ANKRD33B: variants seen among roughly 807,000 people sequenced by gnomAD.
ANKRD33B encodes ankyrin repeat domain 33B, also known as ankyrin repeat domain-containing protein 33B.
Under a neutral mutation model 21.5 loss-of-function variants are expected in ANKRD33B, and 6 were observed. The ratio of observed to expected loss-of-function variants is 0.28; its 90% CI spans 0.15 to 0.55. The LOEUF (loss-of-function observed/expected upper bound fraction) is 0.55, where lower values mean the gene tolerates loss of function less well. Among genes scored for constraint, ANKRD33B ranks in the 20% least tolerant of loss-of-function variants. The probability of loss-of-function intolerance (pLI) is 0.94; values close to 1 mark genes in which losing one functional copy is unlikely to be tolerated. For missense variants in ANKRD33B, 698 were observed against 747.2 expected, an observed-to-expected ratio of 0.93 and a Z score of 0.77; for synonymous variants, 347 against 342.4, an observed-to-expected ratio of 1.01 and a Z score of -0.15.
rs1196131381 is a variant in ANKRD33B at position 10,651,014 on chromosome 5, C to T, written c.*901C>T. The T allele has an allele frequency of 6.6e-6, 1 of 152,274 alleles. No individual in the cohort carries two copies. The highest frequency in any genetic ancestry group is 1.9e-4 in the East Asian group (1 of 5,334). 9.4% of individuals were successfully genotyped at this position (152,274 alleles called of 1,614,324 possible). The stretch of plus-strand genomic sequence containing the variant: ...AATACAAAATTAAGCCATATGTGCT[C>T]TTAAGTAATTCGAATCCAGATATCC... On this transcript the variant is annotated 3_prime_UTR_variant, in exon 4 of 4. Coordinates refer to ENST00000296657, the MANE Select transcript of ANKRD33B (RefSeq NM_001164440.2).
At chr5:10,573,709 G>A (rs1246362257) in intron 1 of ANKRD33B, among the ~76,000 whole-genome samples, 2 of 152,178 alleles carry the variant, frequency 1.3e-5, no homozygotes, top group African/African-American at 2.4e-5. Flanking sequence ...GAGAGTGAGA[G>A]TGAGGGGGGA....
At chr5:10,617,254 G>C (rs1430955997) in intron 1 of ANKRD33B, among the ~76,000 whole-genome samples, 1 of 152,128 alleles carries the variant, frequency 6.6e-6, no homozygotes, top group Non-Finnish European at 1.5e-5. Flanking sequence ...ATGACTCCAC[G>C]CTGCTATTCA....
chr5:10,640,022 CGATGTTAGCGGGTGACGTGGA>C (rs1560985549), intron 3 of ANKRD33B, among the ~76,000 whole-genome samples: 23 of 64,424 alleles, frequency 3.6e-4, no homozygotes, highest in Non-Finnish European at 6.3e-4. Flanking sequence ...AGTTGCGCGG[CGATGTTAGCGGGTGACGTGGA>C]GTTGCACGGT....
chr5:10,641,283 C>T (rs996484277), intron 3 of ANKRD33B, among the ~76,000 whole-genome samples: 22 of 135,474 alleles, frequency 1.6e-4, no homozygotes, highest in South Asian at 2.4e-4. Flanking sequence ...GGCTGGAGTG[C>T]GGTGGTGCAA....
intron 1 of ANKRD33B, among the ~76,000 whole-genome samples, chr5:10,606,544 G>A (rs1736048495): frequency 6.6e-6 from 1 of 152,028 alleles, no homozygotes; most frequent in Non-Finnish European, 1.5e-5. Flanking sequence ...GACCATCCTG[G>A]CCAACATGGT....
intron 1 of ANKRD33B, among the ~76,000 whole-genome samples, chr5:10,567,919 C>T (rs1458417200): frequency 1.3e-5 from 2 of 152,166 alleles, no homozygotes; most frequent in Non-Finnish European, 2.9e-5. Flanking sequence ...ACAGATACAG[C>T]CCACAGCCGG....
chr5:10,622,713 C>T (rs1736446489), intron 2 of ANKRD33B, among the ~76,000 whole-genome samples: 1 of 152,024 alleles, frequency 6.6e-6, no homozygotes, highest in Admixed American at 6.5e-5. Flanking sequence ...GATGAAGATG[C>T]TGCCCTGAAA....
chr5:10,619,143 G>A lies in ANKRD33B; in HGVS notation c.496+681G>A, dbSNP rs1289678443. ...CCTCTTCATAATCACACTTCATTTG[G>A]AACAGTGGTCTTGACCAGGTTTATC... On this transcript the variant is annotated intron_variant, in intron 2 of 3. Coordinates refer to ENST00000296657, the MANE Select transcript of ANKRD33B (RefSeq NM_001164440.2). This position sits in a 1 kb window ranked among gnomAD's most constrained non-coding sequence, Gnocchi z 4.5. 6.6e-6 allele frequency among the ~76,000 whole-genome samples: 1 copy of A among 152,160 alleles called. No individual in the cohort carries two copies. The highest frequency in any genetic ancestry group is 2.4e-5 in the African/African-American group (1 of 41,426).
intron 3 of ANKRD33B, among the ~76,000 whole-genome samples, chr5:10,646,332 A>G (rs1431588685): frequency 6.6e-6 from 1 of 152,226 alleles, no homozygotes; most frequent in East Asian, 1.9e-4. Flanking sequence ...GTATTTGTAT[A>G]AAATGTTAAT....
chr5:10,582,462 C>A (rs1296197541), intron 1 of ANKRD33B, among the ~76,000 whole-genome samples: 1 of 152,196 alleles, frequency 6.6e-6, no homozygotes. Flanking sequence ...TGCTATAACC[C>A]CCCGCCCTGG....
rs1205629174 is a variant in ANKRD33B, at chr5:10,564,175, C to T, written c.-293C>T. 6.6e-6 allele frequency among the ~76,000 whole-genome samples: 1 copy of T among 152,136 alleles called. No homozygotes were observed. Among genetic ancestry groups the T allele is most frequent in the East Asian group, 1.9e-4 (1 of 5,166 alleles). On this transcript the variant is annotated 5_prime_UTR_variant, in exon 1 of 4. Transcript: ENST00000296657. ...GAGAGCGCCTGCCTGGCTCTGAACT[C>T]TGGCCAGGAAGGGGCGCGAGGGGAA...
intron 1 of ANKRD33B, among the ~76,000 whole-genome samples, chr5:10,614,567 G>C (rs1350098878): frequency 6.6e-6 from 1 of 152,124 alleles, no homozygotes; most frequent in Non-Finnish European, 1.5e-5. Context: ...CACTGCACCT[G>C]GCCTCATTTA....
rs1025999195 is a variant in ANKRD33B, at chr5:10,601,855, C to T, written c.367-16478C>T. Among the ~76,000 whole-genome samples, 20 of 152,364 alleles carry T rather than the reference C, an allele frequency of 1.3e-4. No homozygotes were observed. The South Asian group carries it at 3.5e-3, about 27-fold the overall frequency. Reference sequence around the variant, plus strand: ...CTGCCCTTCTCCTTTGACCACTCCACCCCAGCCTATGACAGGGGGCTGCCA... The same window carrying T: ...CTGCCCTTCTCCTTTGACCACTCCATCCCAGCCTATGACAGGGGGCTGCCA... On this transcript the variant is annotated intron_variant, in intron 1 of 3. Transcript: ENST00000296657.
chr5:10,631,442 T>C (rs1005034503), intron 2 of ANKRD33B, among the ~76,000 whole-genome samples: 8 of 152,078 alleles, frequency 5.3e-5, no homozygotes, highest in African/African-American at 1.9e-4. Flanking sequence ...GCGTTTTCAA[T>C]AGGAAAAGTG....
At chr5:10,565,609 C>A (rs552857333) in intron 1 of ANKRD33B, among the ~76,000 whole-genome samples, 1 of 152,072 alleles carries the variant, frequency 6.6e-6, no homozygotes, top group Non-Finnish European at 1.5e-5. Context: ...TGACCAGATT[C>A]AGAGAAAACG....
chr5:10,597,124 A>G (rs1735835724), intron 1 of ANKRD33B, among the ~76,000 whole-genome samples: 1 of 152,216 alleles, frequency 6.6e-6, no homozygotes, highest in African/African-American at 2.4e-5. Flanking sequence ...CTATGAGGCA[A>G]CAACATAAAC....
At chr5:10,649,193 C>A (rs1333754292) in intron 3 of ANKRD33B, 73 bp from the exon 4 acceptor site, 1 of 1,459,558 alleles carries the variant, frequency 6.9e-7, no homozygotes, top group African/African-American at 1.4e-5. Context: ...TTTGCCTTTG[C>A]CCCAGGCTCT....
rs1418544647 is a variant in ANKRD33B, at chr5:10,569,615, A to AATAAATAC, written c.366+4789_366+4790insCATAAATA. ...GTGTTTGAAAATAAATAAATAAATA[A>AATAAATAC]ATAAATAAATAGAGGCATGTATGCT... On this transcript the variant is annotated intron_variant, in intron 1 of 3. Transcript: ENST00000296657. Among the ~76,000 whole-genome samples the AATAAATAC allele has an allele frequency of 4.6e-5, 7 of 151,850 alleles. No individual in the cohort carries two copies. The East Asian group carries it at 1.4e-3, about 30-fold the overall frequency.
At chr5:10,614,958 G>A (rs191671933) in intron 1 of ANKRD33B, among the ~76,000 whole-genome samples, 1 of 152,310 alleles carries the variant, frequency 6.6e-6, no homozygotes, top group African/African-American at 2.4e-5. Context: ...CTGTCAGCAG[G>A]TGCCTGCTGC....
Sources: gnomAD v4.1 joint callset for allele counts (sites outside exome capture counted in the v4.1 genomes callset) on GRCh38, gnomAD v4.1.1 for gene constraint, Gnocchi (gnomAD v3.1) non-coding constraint, MANE v1.5 for transcripts, NCBI Gene and HGNC (gene_info 2026-07-23, HGNC 2026-07-21) for gene names.